The following NXPE2 variants were observed in gnomAD, a reference collection of about 807,000 sequenced individuals.
NXPE2 encodes NXPE family member 2.
A neutral mutation model predicts 34.4 loss-of-function variants in NXPE2; 34 were observed. The observed-to-expected ratio is 0.99, with a 90% CI of 0.75 to 1.31. NXPE2 has a LOEUF of 1.31. Ranked by LOEUF, NXPE2 falls within the 40% of genes most tolerant of loss-of-function variation. The pLI is 0.00. For missense variants in NXPE2, 649 were observed against 672.5 expected (o/e 0.97, Z 0.39); for synonymous variants, 235 against 231.3 (o/e 1.02, Z -0.15).
the NXPE2 span, among the ~76,000 whole-genome samples, chr11:114,757,556 G>T: frequency 6.6e-6 from 1 of 152,136 alleles, no homozygotes. Context: ...AAATGTACAG[G>T]ATAAAATATT....
chr11:114,754,131 T>G, the NXPE2 span, among the ~76,000 whole-genome samples: 1 of 152,242 alleles, frequency 6.6e-6, no homozygotes, highest in Non-Finnish European at 1.5e-5. Flanking sequence ...GAAAATACTA[T>G]AATGATTATT....
the NXPE2 span, among the ~76,000 whole-genome samples, chr11:114,540,078 C>T: frequency 6.6e-6 from 1 of 152,194 alleles, no homozygotes; most frequent in Non-Finnish European, 1.5e-5. Context: ...GCCTCAGCCG[C>T]CTGAATAGCT....
the NXPE2 span, among the ~76,000 whole-genome samples, chr11:114,810,378 C>G: frequency 2.2e-5 from 2 of 90,272 alleles, no homozygotes; most frequent in African/African-American, 3.7e-5. Flanking sequence ...GCACAGCAAA[C>G]GAAACTACCA....
the NXPE2 span, chr11:114,552,785 A>T: frequency 1.5e-6 from 1 of 679,138 alleles, no homozygotes; most frequent in Non-Finnish European, 1.8e-6. Context: ...CACTTTTATA[A>T]ATCTTAGATT....
At chr11:114,532,151 A>G in the NXPE2 span, among the ~76,000 whole-genome samples, 1 of 152,240 alleles carries the variant, frequency 6.6e-6, no homozygotes, top group Non-Finnish European at 1.5e-5. Context: ...ATTGGGCAAT[A>G]AAACCCTTGT....
At chr11:114,624,486 T>C in the NXPE2 span, among the ~76,000 whole-genome samples, 1 of 151,862 alleles carries the variant, frequency 6.6e-6, no homozygotes, top group Admixed American at 6.5e-5. Context: ...GTATTGCCCA[T>C]GGGTAAGCCC....
the NXPE2 span, among the ~76,000 whole-genome samples, chr11:114,744,579 C>T: frequency 1.2e-4 from 19 of 152,018 alleles, no homozygotes; most frequent in Non-Finnish European, 1.9e-4. Flanking sequence ...GAGGCTGCGG[C>T]GGGTTGAGTT....
At chr11:114,619,362 T>G in the NXPE2 span, among the ~76,000 whole-genome samples, 1 of 150,502 alleles carries the variant, frequency 6.6e-6, no homozygotes, top group African/African-American at 2.5e-5. Flanking sequence ...ACCCGGTAGA[T>G]AATAAGTGTT....
At chr11:114,582,602 C>T in the NXPE2 span, 2 of 1,614,028 alleles carry the variant, frequency 1.2e-6, no homozygotes, top group Middle Eastern at 1.6e-4. Flanking sequence ...AGACCTGGCC[C>T]TCCCAGAACA....
At chr11:114,765,256 T>C in the NXPE2 span, among the ~76,000 whole-genome samples, 3 of 138,178 alleles carry the variant, frequency 2.2e-5, no homozygotes, top group Non-Finnish European at 3.2e-5. Flanking sequence ...ACAGACATAC[T>C]TTTTTTATGG....
the NXPE2 span, among the ~76,000 whole-genome samples, chr11:114,643,529 C>T: frequency 2.0e-5 from 3 of 152,050 alleles, no homozygotes; most frequent in African/African-American, 7.2e-5. Context: ...TTCCCCATTG[C>T]TTGTTTTTGT....
intron 2 of NXPE2, among the ~76,000 whole-genome samples, chr11:114,681,821 T>C (rs1027330366): frequency 6.6e-6 from 1 of 152,166 alleles, no homozygotes; most frequent in African/African-American, 2.4e-5. Context: ...CTGTATAATT[T>C]TTATACCAAA....
the NXPE2 span, chr11:114,529,457 G>C: frequency 6.6e-6 from 1 of 152,216 alleles, no homozygotes; most frequent in South Asian, 2.1e-4. Context: ...GGGAAACCAG[G>C]AAGTGAGCCT....
the NXPE2 span, among the ~76,000 whole-genome samples, chr11:114,722,765 T>C: frequency 1.3e-5 from 2 of 152,148 alleles, no homozygotes; most frequent in East Asian, 3.9e-4. Context: ...CAAGTTTAGA[T>C]AGAATAACAA....
the NXPE2 span, chr11:114,551,010 A>T: frequency 1.5e-6 from 1 of 659,550 alleles, no homozygotes; most frequent in South Asian, 1.8e-5. Context: ...GTGGGGGAGG[A>T]GGGGCAGGAC....
At chr11:114,529,380 T>C in the NXPE2 span, 1 of 152,264 alleles carries the variant, frequency 6.6e-6, no homozygotes. Context: ...ATCCTCAAAG[T>C]AGCCCATGAA....
chr11:114,653,929 A>G, the NXPE2 span, among the ~76,000 whole-genome samples: 6 of 152,152 alleles, frequency 3.9e-5, no homozygotes, highest in African/African-American at 1.4e-4. Context: ...GGAAGTTCCC[A>G]TGATGTCTTG....
the NXPE2 span, among the ~76,000 whole-genome samples, chr11:114,812,763 G>A: frequency 2.6e-5 from 4 of 152,244 alleles, no homozygotes; most frequent in South Asian, 8.3e-4. Flanking sequence ...ATGAGATAGT[G>A]GTGTTGCTGG....
the NXPE2 span, among the ~76,000 whole-genome samples, chr11:114,560,273 CTTTTTTTTTT>C: frequency 7.4e-6 from 1 of 135,178 alleles, no homozygotes; most frequent in Non-Finnish European, 1.6e-5. Flanking sequence ...CTTTTTTTTT[CTTTTTTTTTT>C]TTTTTTGGAC....
Sources: allele counts gnomAD v4.1 joint callset (sites outside exome capture counted in the v4.1 genomes callset), GRCh38; gene constraint gnomAD v4.1.1; transcripts MANE v1.5; gene names NCBI Gene and HGNC (gene_info 2026-07-23, HGNC 2026-07-21).